SPOCK3: variants seen among roughly 807,000 people sequenced by gnomAD.
SPOCK3 encodes the protein SPARC (osteonectin), cwcv and kazal like domains proteoglycan 3.
Under a neutral mutation model 56.6 loss-of-function variants are expected in SPOCK3, and 30 were observed. That is an observed-to-expected ratio of 0.53 (90% CI 0.40 to 0.72). The LOEUF (loss-of-function observed/expected upper bound fraction) is 0.72. Among genes scored for constraint, SPOCK3 ranks in the 30% least tolerant of loss-of-function variants. The pLI is 0.00. For missense variants in SPOCK3, 527 were observed against 530.0 expected (o/e 0.99, Z 0.06); for synonymous variants, 196 against 183.3 (o/e 1.07, Z -0.56).
At chr4:167,130,793 A>G (rs763791648) in intron 2 of SPOCK3, among the ~76,000 whole-genome samples, 3 of 152,160 alleles carry the variant, frequency 2.0e-5, no homozygotes, top group Non-Finnish European at 2.9e-5. Flanking sequence ...CAAGCAAAGG[A>G]CTGAATCACA....
chr4:166,947,811 AAATAAGGGT>A (rs1450809559), intron 4 of SPOCK3, among the ~76,000 whole-genome samples: 1 of 152,196 alleles, frequency 6.6e-6, no homozygotes, highest in Non-Finnish European at 1.5e-5. Context: ...TTTAATGATC[AAATAAGGGT>A]AATTAGCATG....
chr4:167,088,461 C>T lies in SPOCK3; in HGVS notation c.190-25924G>A, dbSNP rs973055571. Among the ~76,000 whole-genome samples, 412 of 111,104 alleles carry T rather than the reference C, an allele frequency of 3.7e-3. 1 individual carries two copies. Among genetic ancestry groups the T allele is most frequent in the African/African-American group, 0.015 (391 of 26,218 alleles). The allele number at this position is 111,104 out of a possible 152,430, so 72.9% of individuals were successfully genotyped here. A position where few individuals can be genotyped will look rare whatever the true frequency, so the allele number is the denominator to read the frequency against. Reference sequence around the variant, plus strand: ...GTCTTGCAAATAACACCTATGAAAACTTTTTTTTTTTTTTTTTTTTTTGAG... The same window carrying T: ...GTCTTGCAAATAACACCTATGAAAATTTTTTTTTTTTTTTTTTTTTTTGAG... On this transcript the variant is annotated intron_variant, in intron 2 of 10. Coordinates refer to ENST00000357545, the MANE Select transcript of SPOCK3 (RefSeq NM_001040159.2).
At chr4:166,981,536 T>G (rs1746569703) in intron 4 of SPOCK3, among the ~76,000 whole-genome samples, 1 of 152,188 alleles carries the variant, frequency 6.6e-6, no homozygotes, top group South Asian at 2.1e-4. Context: ...TGAGTCTGGC[T>G]GAGTCCAGGG....
At chr4:167,090,037 T>C (rs1758566696) in intron 2 of SPOCK3, among the ~76,000 whole-genome samples, 2 of 152,170 alleles carry the variant, frequency 1.3e-5, no homozygotes, top group Non-Finnish European at 2.9e-5. Context: ...AGCTGCACAT[T>C]TGGGTAGTTT....
chr4:167,134,886 C>G (rs183895290), intron 2 of SPOCK3, among the ~76,000 whole-genome samples: 80 of 151,988 alleles, frequency 5.3e-4, no homozygotes, highest in Admixed American at 1.4e-3. Context: ...ATAAAATGAA[C>G]AGTCAATAAG....
chr4:166,982,487 G>A (rs1443913436), intron 4 of SPOCK3, among the ~76,000 whole-genome samples: 1 of 152,192 alleles, frequency 6.6e-6, no homozygotes, highest in African/African-American at 2.4e-5. Context: ...GGGAGATGGA[G>A]CTTGCAGTGA....
chr4:167,034,427 C>A (rs950579439), intron 3 of SPOCK3, among the ~76,000 whole-genome samples: 1 of 151,788 alleles, frequency 6.6e-6, no homozygotes, highest in Non-Finnish European at 1.5e-5. Flanking sequence ...GTATGAGATA[C>A]TGAATGTCTT....
intron 2 of SPOCK3, among the ~76,000 whole-genome samples, chr4:167,076,677 A>T (rs1757212393): frequency 6.6e-6 from 1 of 151,820 alleles, no homozygotes; most frequent in Non-Finnish European, 1.5e-5. Flanking sequence ...TCTACAAAAT[A>T]AACAATTTTA....
At chr4:166,961,319 A>G (rs947037347) in intron 4 of SPOCK3, among the ~76,000 whole-genome samples, 1 of 152,068 alleles carries the variant, frequency 6.6e-6, no homozygotes, top group African/African-American at 2.4e-5. Flanking sequence ...GAAATGTACA[A>G]ACATTTTAAG....
chr4:166,879,103 T>TA (rs548814807), intron 6 of SPOCK3, among the ~76,000 whole-genome samples: 21 of 152,032 alleles, frequency 1.4e-4, no homozygotes, highest in East Asian at 5.8e-4. Context: ...GCCTGTTAAT[T>TA]AAAAAAAATA....
At chr4:167,126,377 G>A (rs1403240678) in intron 2 of SPOCK3, among the ~76,000 whole-genome samples, 14 of 151,940 alleles carry the variant, frequency 9.2e-5, no homozygotes, top group Non-Finnish European at 1.5e-4. Context: ...GCAAAACCCC[G>A]TCTCTACTAA....
At chr4:166,797,851 T>G (rs370425602) in intron 6 of SPOCK3, among the ~76,000 whole-genome samples, 2 of 152,174 alleles carry the variant, frequency 1.3e-5, no homozygotes, top group East Asian at 3.8e-4. Flanking sequence ...CAATATTTAC[T>G]TTTACACCTT....
At chr4:167,082,942 G>C (rs1051730554) in intron 2 of SPOCK3, among the ~76,000 whole-genome samples, 19 of 151,864 alleles carry the variant, frequency 1.3e-4, no homozygotes, top group Non-Finnish European at 2.6e-4. Flanking sequence ...ACCGGAAACT[G>C]ATCTGACTTC....
At chr4:166,951,792 A>C (rs1291698145) in intron 4 of SPOCK3, among the ~76,000 whole-genome samples, 1 of 151,574 alleles carries the variant, frequency 6.6e-6, no homozygotes, top group Non-Finnish European at 1.5e-5. Context: ...ACAAATCAAT[A>C]AATGTAATCC....
chr4:166,811,614 G>A (rs973481905), intron 6 of SPOCK3, among the ~76,000 whole-genome samples: 3 of 151,770 alleles, frequency 2.0e-5, no homozygotes, highest in South Asian at 2.1e-4. Context: ...TGTACAGAAT[G>A]CTCCTCAGAG....
intron 6 of SPOCK3, 111 bp from the exon 7 acceptor site, chr4:166,792,400 G>T (rs1473383936): frequency 1.8e-6 from 2 of 1,141,708 alleles, no homozygotes; most frequent in Admixed American, 2.4e-5. Flanking sequence ...AAAGAAAAAG[G>T]TGTGACTGCA....
intron 2 of SPOCK3, among the ~76,000 whole-genome samples, chr4:167,208,970 T>C (rs1041667116): frequency 3.3e-5 from 5 of 152,150 alleles, no homozygotes; most frequent in Non-Finnish European, 5.9e-5. Context: ...TATTTGCACA[T>C]AGATCACTAA....
At chr4:166,891,556 T>C (rs1371042423) in intron 5 of SPOCK3, among the ~76,000 whole-genome samples, 1 of 152,046 alleles carries the variant, frequency 6.6e-6, no homozygotes, top group Non-Finnish European at 1.5e-5. Flanking sequence ...ATTGTTATTT[T>C]TCATTATTCA....
chr4:167,229,677 T>C (rs1476250102), intron 2 of SPOCK3, among the ~76,000 whole-genome samples: 2 of 152,142 alleles, frequency 1.3e-5, no homozygotes, highest in Non-Finnish European at 2.9e-5. Flanking sequence ...ACAAATCAGA[T>C]ATTTTTTAAA....
Sources: allele counts gnomAD v4.1 joint callset (sites outside exome capture counted in the v4.1 genomes callset), GRCh38; gene constraint gnomAD v4.1.1; transcripts MANE v1.5; gene names NCBI Gene and HGNC (gene_info 2026-07-23, HGNC 2026-07-21).